MED12L: variants seen among roughly 807,000 people sequenced by gnomAD.
MED12L encodes mediator of RNA polymerase II transcription subunit 12-like protein.
A neutral mutation model predicts 281.3 loss-of-function variants in MED12L; 60 were observed. The observed-to-expected ratio is 0.21, with a 90% CI of 0.17 to 0.26. MED12L has a LOEUF of 0.26. Among genes scored for constraint, MED12L ranks in the 10% least tolerant of loss-of-function variants. MED12L has a pLI of 1.00. For missense variants in MED12L, 2,146 were observed against 2,680.9 expected (o/e 0.80, Z 4.41); for synonymous variants, 974 against 987.2 (o/e 0.99, Z 0.25).
At chr3:151,206,438 C>G (rs190162885) in intron 16 of MED12L, among the ~76,000 whole-genome samples, 1 of 151,568 alleles carries the variant, frequency 6.6e-6, no homozygotes, top group African/African-American at 2.4e-5. Flanking sequence ...GATGTTATTG[C>G]GTCAACATTT....
intron 24 of MED12L, 55 bp from the exon 25 acceptor site, chr3:151,368,095 A>G: frequency 7.4e-7 from 1 of 1,355,608 alleles, no homozygotes; most frequent in South Asian, 1.2e-5. Context: ...GGAAACCTGA[A>G]GGACTTGTTC....
rs76190112 is a variant in MED12L, at chr3:151,112,411, C to T, written c.100-3927C>T. On this transcript the variant is annotated intron_variant, in intron 2 of 44. Transcript: ENST00000687756. ...TTCTCTGCCTTCTAGGGCCCTGCTT[C>T]TTCAAAGTCTAATGTGTCCATGAAT... Among the ~76,000 whole-genome samples, 486 of 151,724 alleles carry T rather than the reference C, an allele frequency of 3.2e-3. 1 individual carries two copies. Among genetic ancestry groups the T allele is most frequent in the African/African-American group, 0.011 (469 of 41,348 alleles).
intron 16 of MED12L, among the ~76,000 whole-genome samples, chr3:151,347,151 AC>A (rs879598048): frequency 2.4e-5 from 3 of 123,930 alleles, no homozygotes; most frequent in South Asian, 2.5e-4. Context: ...CACCCTACAA[AC>A]TTTTTTACTC....
chr3:151,256,070 A>G (rs1461935900), intron 16 of MED12L, among the ~76,000 whole-genome samples: 3 of 152,242 alleles, frequency 2.0e-5, no homozygotes, highest in Non-Finnish European at 4.4e-5. Flanking sequence ...CATATGCTAG[A>G]TAGAAATACA....
rs1170484723 is a variant in MED12L, at chr3:151,163,931, T to G, written c.1146T>G (p.Asn382Lys). The G allele has an allele frequency of 6.2e-7, 1 of 1,613,786 alleles. No homozygotes were observed. The highest frequency in any genetic ancestry group is 1.1e-5 in the South Asian group (1 of 90,982). The change falls in exon 9 of 45, where the codon AAT (asparagine) becomes AAG (lysine). Residue 382 changes from asparagine to lysine, a missense_variant. Asn to Lys is a moderately conservative substitution (Grantham distance 94, BLOSUM62 0). Coordinates refer to ENST00000687756, the MANE Select transcript of MED12L (RefSeq NM_001393769.1). ...TLCCPSALVWNYSTNENKSAN... is the reference protein window; with the variant it reads ...TLCCPSALVWKYSTNENKSAN... ...GTTGCCCAAGTGCCTTGGTGTGGAA[T>G]TATTCCACAAATGAAAATAAGAGCG... is the stretch of plus-strand genomic sequence containing the variant.
chr3:151,205,708 C>A (rs759259747), intron 16 of MED12L, among the ~76,000 whole-genome samples: 2 of 152,128 alleles, frequency 1.3e-5, no homozygotes, highest in African/African-American at 2.4e-5. Context: ...GAAATTAAGG[C>A]CCACTCAAGC....
chr3:151,394,737 C>T lies in MED12L; in HGVS notation c.5690C>T (p.Ser1897Leu), dbSNP rs772531839. The change falls in exon 39 of 45, where the codon TCA becomes TTA. Residue 1897 changes from serine to leucine, a missense_variant. Physicochemically the swap from Ser to Leu is moderately radical, Grantham distance 145. This residue lies in a region of MED12L where 496 missense variants were observed against 512.0 expected (regional missense o/e 0.97). Coordinates refer to ENST00000687756, the MANE Select transcript of MED12L (RefSeq NM_001393769.1). ...CTGTCAAACATGCTACAGCGGCGCTCAGGCGCCATGATGCAGCCGCCTTCT... is the reference window on the plus strand; with the variant it reads ...CTGTCAAACATGCTACAGCGGCGCTTAGGCGCCATGATGCAGCCGCCTTCT... ...QALSNMLQRR[S>L]GAMMQPPSLH... 1 of 1,614,284 alleles carries T rather than the reference C, an allele frequency of 6.2e-7. No homozygotes were observed. The highest frequency in any genetic ancestry group is 1.1e-5 in the South Asian group (1 of 91,088).
chr3:151,369,315 A>G (rs1317844386), intron 25 of MED12L, 121 bp from the exon 26 acceptor site: 1 of 570,380 alleles, frequency 1.8e-6, no homozygotes, highest in Non-Finnish European at 3.1e-6. Flanking sequence ...GCATCAATTA[A>G]AGCAAGCTAA....
At chr3:151,213,192 G>A in intron 16 of MED12L, 1 of 844,362 alleles carries the variant, frequency 1.2e-6, no homozygotes, top group East Asian at 2.5e-5. Flanking sequence ...TTGGATGGCA[G>A]TGCTAGAGAT....
At chr3:151,093,214 G>A (rs1720291733) in intron 2 of MED12L, among the ~76,000 whole-genome samples, 1 of 152,136 alleles carries the variant, frequency 6.6e-6, no homozygotes, top group Non-Finnish European at 1.5e-5. Flanking sequence ...CAAGGTAGGA[G>A]GATCACTTGA....
chr3:151,131,633 C>G (rs1211966297), intron 5 of MED12L, among the ~76,000 whole-genome samples: 1 of 151,984 alleles, frequency 6.6e-6, no homozygotes, highest in Non-Finnish European at 1.5e-5. Context: ...CAAACAAAAA[C>G]AAAAAACAGT....
chr3:151,372,865 T>C (rs1756364152), intron 27 of MED12L, 99 bp downstream of exon 27: 1 of 824,048 alleles, frequency 1.2e-6, no homozygotes, highest in Non-Finnish European at 1.9e-6. Context: ...GTGGGCCTTT[T>C]TTTCTTGCTC....
intron 17 of MED12L, among the ~76,000 whole-genome samples, chr3:151,353,732 G>A (rs1426781006): frequency 1.3e-5 from 2 of 152,040 alleles, no homozygotes; most frequent in Non-Finnish European, 2.9e-5. Context: ...TTCATTTCTT[G>A]TGTCTTTAAT....
Position 151,376,128 on chromosome 3 carries a change from C to G in MED12L, c.3967C>G (p.Leu1323Val). 6.2e-7 allele frequency: 1 copy of G among 1,611,106 alleles called. No homozygotes were observed. The highest frequency in any genetic ancestry group is 8.5e-7 in the Non-Finnish European group (1 of 1,178,936). ...TTCAAATATGCAAGCACAGAAATTA[C>G]TGCAGCTTATCTGTTATCCTCATGG... is the stretch of plus-strand genomic sequence containing the variant. ...VLSNMQAQKL[L>V]QLICYPHGIK... Residue 1323 changes from leucine (L) to valine (V), a missense_variant, in exon 28 of 45, where the codon CTG becomes GTG. Coordinates refer to ENST00000687756, the MANE Select transcript of MED12L (RefSeq NM_001393769.1).
intron 16 of MED12L, among the ~76,000 whole-genome samples, chr3:151,228,719 A>G (rs1026223245): frequency 1.3e-5 from 2 of 152,184 alleles, no homozygotes; most frequent in African/African-American, 4.8e-5. Context: ...ACACAATGCT[A>G]ATCTTTCATG....
intron 37 of MED12L, 131 bp from the exon 38 acceptor site, chr3:151,389,848 T>C: frequency 1.3e-6 from 1 of 794,988 alleles, no homozygotes. Context: ...TCCTTCCATC[T>C]TCTCCTTTAT....
intron 16 of MED12L, among the ~76,000 whole-genome samples, chr3:151,222,407 A>G (rs1729544729): frequency 6.6e-6 from 1 of 152,102 alleles, no homozygotes; most frequent in Non-Finnish European, 1.5e-5. Context: ...TCCCCACCCA[A>G]ATCTCATCTT....
chr3:151,269,701 G>A, intron 16 of MED12L: 4 of 417,566 alleles, frequency 9.6e-6, no homozygotes, highest in South Asian at 7.6e-5. Context: ...TTTTTATTTT[G>A]ATGAAAATCT....
chr3:151,294,105 G>A (rs920759538), intron 16 of MED12L: 67 of 996,612 alleles, frequency 6.7e-5, no homozygotes, highest in East Asian at 7.2e-5. Flanking sequence ...GCTCAAGCAA[G>A]GATAATGAAA....
Sources: allele counts gnomAD v4.1 joint callset (sites outside exome capture counted in the v4.1 genomes callset), GRCh38; gene constraint gnomAD v4.1.1; regional missense constraint gnomAD v4.1.1; transcripts MANE v1.5; gene names NCBI Gene and HGNC (gene_info 2026-07-23, HGNC 2026-07-21).